The following EDA variants were observed in gnomAD, a reference collection of about 807,000 sequenced individuals.
EDA encodes ectodysplasin-A.
Under a neutral mutation model 23.6 loss-of-function variants are expected in EDA, and 2 were observed. That is an observed-to-expected ratio of 0.08 (90% CI 0.03 to 0.27). The LOEUF (loss-of-function observed/expected upper bound fraction) is 0.27. EDA is among the 10% of genes least tolerant of loss of function. EDA has a pLI of 1.00. For synonymous variants in EDA, 131 were observed against 132.0 expected, an observed-to-expected ratio of 0.99 and a Z score of 0.05; for missense variants, 229 against 324.2, an observed-to-expected ratio of 0.71 and a Z score of 2.26.
rs1556026049 is a variant in EDA at position 69,888,978 on chromosome X, T to TAGATATATATA, written c.397-68049_397-68048insAGATATATATA. On this transcript the variant is annotated intron_variant, in intron 1 of 7. Coordinates refer to ENST00000374552, the MANE Select transcript of EDA (RefSeq NM_001399.5). ...GTGGAATTGTTGTATTGTGGGGTAG[T>TAGATATATATA]TATATATATATATATATATATATAT... Among the ~76,000 whole-genome samples the TAGATATATATA allele has an allele frequency of 3.3e-3, 53 of 16,015 alleles. 2 individuals are homozygous for TAGATATATATA. Among genetic ancestry groups the TAGATATATATA allele is most frequent in the South Asian group, 0.017 (3 of 177 alleles). The allele number at this position is 16,015 out of a possible 115,157, so 13.9% of individuals were successfully genotyped here.
At chrX:69,719,580 T>G (rs957855180) in intron 1 of EDA, among the ~76,000 whole-genome samples, 1 of 111,174 alleles carries the variant, frequency 9.0e-6, no homozygotes, top group Non-Finnish European at 1.9e-5. Flanking sequence ...TAACTTCCAC[T>G]TATAAGTGAG....
chrX:69,886,109 A>G (rs1013161089), intron 1 of EDA, among the ~76,000 whole-genome samples: 1 of 111,780 alleles, frequency 8.9e-6, no homozygotes. Context: ...TCTGAGAGCA[A>G]TCCTTCCCAC....
intron 1 of EDA, among the ~76,000 whole-genome samples, chrX:69,781,060 G>A (rs1279760473): frequency 8.9e-6 from 1 of 111,746 alleles, no homozygotes; most frequent in Non-Finnish European, 1.9e-5. Context: ...CATCCATGTT[G>A]TAGTATGTAT....
At chrX:69,651,687 T>C (rs1341972569) in intron 1 of EDA, among the ~76,000 whole-genome samples, 4 of 111,486 alleles carry the variant, frequency 3.6e-5, no homozygotes, top group African/African-American at 9.8e-5. Context: ...CAGTTTAAGA[T>C]AGGAGATACT....
chrX:69,712,382 C>A (rs1185588922), intron 1 of EDA, among the ~76,000 whole-genome samples: 1 of 111,215 alleles, frequency 9.0e-6, no homozygotes, highest in Non-Finnish European at 1.9e-5. Flanking sequence ...TAAACAACCC[C>A]ATCAAAAAGT....
At chrX:69,909,436 G>T (rs2018226180) in intron 1 of EDA, among the ~76,000 whole-genome samples, 1 of 111,742 alleles carries the variant, frequency 8.9e-6, no homozygotes, top group South Asian at 3.7e-4. Context: ...AAGTAGCTGG[G>T]ATTACAGGTG....
intron 2 of EDA, among the ~76,000 whole-genome samples, chrX:70,018,631 T>G (rs1786698972): frequency 8.9e-6 from 1 of 111,989 alleles, no homozygotes; most frequent in African/African-American, 3.2e-5. Context: ...TGGCTAGCCA[T>G]AAGCAGAGAT....
chrX:69,744,906 G>A (rs1320288242), intron 1 of EDA, among the ~76,000 whole-genome samples: 1 of 111,843 alleles, frequency 8.9e-6, no homozygotes, highest in Non-Finnish European at 1.9e-5. Context: ...CCCCAGGTCT[G>A]CCTACTCTGA....
intron 1 of EDA, among the ~76,000 whole-genome samples, chrX:69,824,062 T>C (rs1296547452): frequency 1.0e-5 from 1 of 96,037 alleles, no homozygotes; most frequent in African/African-American, 3.9e-5. Flanking sequence ...TCTATATCTC[T>C]GTTTTGGTAC....
chrX:69,894,266 A>G (rs1212815880), intron 1 of EDA, among the ~76,000 whole-genome samples: 1 of 110,620 alleles, frequency 9.0e-6, no homozygotes, highest in Non-Finnish European at 1.9e-5. Context: ...CTGTGCATCT[A>G]TTTTTTTACC....
At chrX:69,680,018 G>T (rs1193601724) in intron 1 of EDA, among the ~76,000 whole-genome samples, 1 of 108,758 alleles carries the variant, frequency 9.2e-6, no homozygotes, top group African/African-American at 3.4e-5. Flanking sequence ...CTGGTATGTT[G>T]TGTCTTTGTT....
intron 1 of EDA, among the ~76,000 whole-genome samples, chrX:69,868,298 A>G (rs993210346): frequency 1.8e-5 from 2 of 112,221 alleles, no homozygotes; most frequent in African/African-American, 6.5e-5. Context: ...CACTTGATAA[A>G]TAGGCCAGTG....
At chrX:69,753,817 A>G (rs1266247700) in intron 1 of EDA, among the ~76,000 whole-genome samples, 3 of 110,468 alleles carry the variant, frequency 2.7e-5, no homozygotes, top group Non-Finnish European at 1.9e-5. Flanking sequence ...TAAACCCTTT[A>G]CCATTATATA....
chrX:70,001,872 G>A (rs1261024855), intron 2 of EDA, among the ~76,000 whole-genome samples: 2 of 111,954 alleles, frequency 1.8e-5, no homozygotes, highest in Non-Finnish European at 3.8e-5. Context: ...GAGAAATGGT[G>A]TTCAGGGCTT....
intron 1 of EDA, among the ~76,000 whole-genome samples, chrX:69,860,692 T>C (rs778629372): frequency 2.7e-5 from 3 of 111,354 alleles, no homozygotes; most frequent in Non-Finnish European, 5.7e-5. Context: ...GAAAATCTGA[T>C]GATTATGTGT....
intron 1 of EDA, among the ~76,000 whole-genome samples, chrX:69,684,342 A>G (rs1934475302): frequency 9.0e-6 from 1 of 110,970 alleles, no homozygotes; most frequent in Non-Finnish European, 1.9e-5. Context: ...TAATAGCCCT[A>G]TATGACTTAA....
intron 1 of EDA, among the ~76,000 whole-genome samples, chrX:69,707,389 G>C (rs753845134): frequency 8.9e-6 from 1 of 111,912 alleles, no homozygotes; most frequent in African/African-American, 3.2e-5. Context: ...CTTCTAGTGA[G>C]GAAATAGTGC....
At chrX:69,833,050 G>T (rs181421645) in intron 1 of EDA, among the ~76,000 whole-genome samples, 1,518 of 111,209 alleles carry the variant, frequency 0.014, 18 homozygotes, top group African/African-American at 0.045. Flanking sequence ...CTGCCTGATT[G>T]CCCTGGCCAG....
intron 1 of EDA, among the ~76,000 whole-genome samples, chrX:69,750,382 A>G (rs2147388147): frequency 9.2e-6 from 1 of 109,229 alleles, no homozygotes; most frequent in South Asian, 4.1e-4. Flanking sequence ...ATAGTATTCC[A>G]TGGTGTATAT....
Sources: allele counts gnomAD v4.1 joint callset (sites outside exome capture counted in the v4.1 genomes callset), GRCh38; gene constraint gnomAD v4.1.1; transcripts MANE v1.5; gene names NCBI Gene and HGNC (gene_info 2026-07-23, HGNC 2026-07-21).